The following UTY variants were observed in gnomAD, a reference collection of about 807,000 sequenced individuals.
UTY encodes the protein ubiquitously transcribed tetratricopeptide repeat containing, Y-linked, also known as histone demethylase UTY.
In UTY, 12 loss-of-function variants were observed where a neutral mutation model predicts 32.5. The observed-to-expected ratio is 0.37, with a 90% CI of 0.24 to 0.60. UTY has a LOEUF of 0.60. Among genes scored for constraint, UTY ranks in the 20% least tolerant of loss-of-function variants. The probability of loss-of-function intolerance (pLI) is 0.69; values close to 1 mark genes in which losing one functional copy is unlikely to be tolerated. For synonymous variants in UTY, 131 were observed against 103.4 expected, an observed-to-expected ratio of 1.27 and a Z score of -1.62; for missense variants, 303 against 299.2, an observed-to-expected ratio of 1.01 and a Z score of -0.09.
At chrY:13,331,819 T>C in intron 18 of UTY, among the ~76,000 whole-genome samples, 1 of 32,981 alleles carries the variant, frequency 3.0e-5, no homozygotes, top group African/African-American at 1.2e-4. Context: ...ATATCAGAGA[T>C]TGAAGATCAA....
chrY:13,242,598 CACAG>C (rs2053915374), intron 28 of UTY, among the ~76,000 whole-genome samples: 1 of 33,802 alleles, frequency 3.0e-5, no homozygotes, highest in South Asian at 6.5e-4. Flanking sequence ...TGTCATTTTT[CACAG>C]ACATAGATAA....
At chrY:13,406,536 A>G (rs2070041850) in intron 6 of UTY, among the ~76,000 whole-genome samples, 1 of 31,216 alleles carries the variant, frequency 3.2e-5, no homozygotes. Flanking sequence ...ATACCTCAGT[A>G]TGCTCACCAA....
intron 28 of UTY, among the ~76,000 whole-genome samples, chrY:13,251,750 C>CA (rs2054167376): frequency 3.0e-5 from 1 of 33,518 alleles, no homozygotes; most frequent in African/African-American, 1.2e-4. Context: ...AGGTGAATAA[C>CA]AAAAAGTGTT....
intron 17 of UTY, among the ~76,000 whole-genome samples, chrY:13,352,210 T>C: frequency 3.0e-5 from 1 of 33,709 alleles, no homozygotes; most frequent in Non-Finnish European, 7.3e-5. Context: ...TAATAAACCC[T>C]ACAATGGCCT....
intron 27 of UTY, among the ~76,000 whole-genome samples, chrY:13,276,602 G>C: frequency 3.2e-5 from 1 of 31,082 alleles, no homozygotes; most frequent in East Asian, 9.8e-4. Context: ...CTGTAGTCCC[G>C]GCTACTCTAC....
At chrY:13,303,565 T>C (rs2058501902) in intron 24 of UTY, among the ~76,000 whole-genome samples, 1 of 33,536 alleles carries the variant, frequency 3.0e-5, no homozygotes, top group Non-Finnish European at 7.4e-5. Context: ...AATCTACCTA[T>C]ACAGAAATTC....
chrY:13,428,869 T>C, intron 4 of UTY, among the ~76,000 whole-genome samples: 1 of 33,812 alleles, frequency 3.0e-5, no homozygotes, highest in South Asian at 6.4e-4. Context: ...CAGCATTTCA[T>C]AGTTCTCCTT....
At chrY:13,320,108 G>A (rs2059731006) in intron 21 of UTY, among the ~76,000 whole-genome samples, 4 of 32,980 alleles carry the variant, frequency 1.2e-4, no homozygotes, top group Non-Finnish European at 3.0e-4. Flanking sequence ...CTTATTTGGC[G>A]TAAGAATTCT....
chrY:13,264,435 G>A (rs2055571822), intron 27 of UTY, among the ~76,000 whole-genome samples: 1 of 32,918 alleles, frequency 3.0e-5, no homozygotes, highest in Non-Finnish European at 7.5e-5. Context: ...TGTGAGCATC[G>A]GTTGTTTCCT....
At chrY:13,478,371 A>G (rs2079289776) in intron 2 of UTY, among the ~76,000 whole-genome samples, 1 of 33,649 alleles carries the variant, frequency 3.0e-5, no homozygotes, top group Admixed American at 2.7e-4. Flanking sequence ...AAGCACATAT[A>G]GGTTTAAAAA....
intron 6 of UTY, among the ~76,000 whole-genome samples, chrY:13,409,680 A>T (rs2070617730): frequency 3.0e-5 from 1 of 33,543 alleles, no homozygotes; most frequent in Non-Finnish European, 7.4e-5. Flanking sequence ...CATCCCAGAT[A>T]GTTATGCTAA....
intron 27 of UTY, among the ~76,000 whole-genome samples, chrY:13,296,651 C>A: frequency 1.2e-4 from 4 of 32,840 alleles, no homozygotes; most frequent in Admixed American, 5.6e-4. Flanking sequence ...CTGCCCCCTA[C>A]CCTAGGTCAT....
intron 2 of UTY, among the ~76,000 whole-genome samples, chrY:13,477,184 A>G: frequency 3.0e-5 from 1 of 33,576 alleles, no homozygotes; most frequent in Admixed American, 2.7e-4. Context: ...AAGTTCATGC[A>G]TTGAAAACAT....
In UTY at chrY:13,369,339, T is replaced by C. The variant is rs1335862121; in HGVS notation, c.656A>G (p.His219Arg). Residue 219 changes from histidine (H) to arginine (R), a missense_variant, in exon 9 of 30, where the codon CAT (histidine) becomes CGT (arginine). Transcript: ENST00000545955. ...TTGTTCATATGCCTCCTTTGCAGAA[T>C]GATACTTCCTCTAAAGAGCAAAGGA... ...AHLYETQRKY[H>R]SAKEAYEQLL... is the part of the protein sequence containing the mutation. 3.0e-6 allele frequency: 1 copy of C among 338,537 alleles called. No individual in the cohort carries two copies. The allele number at this position is 338,537 out of a possible 400,897, so 84.4% of individuals were successfully genotyped here.
At chrY:13,333,820 G>T in intron 18 of UTY, among the ~76,000 whole-genome samples, 2 of 33,402 alleles carry the variant, frequency 6.0e-5, no homozygotes, top group African/African-American at 2.4e-4. Flanking sequence ...ACAATAAGTT[G>T]TGGAAAGCCA....
At chrY:13,276,435 C>T (rs2056679337) in intron 27 of UTY, among the ~76,000 whole-genome samples, 1 of 33,773 alleles carries the variant, frequency 3.0e-5, no homozygotes, top group Non-Finnish European at 7.4e-5. Flanking sequence ...AACGGCTGGG[C>T]GTGGTGGCTC....
At chrY:13,443,953 A>G (rs1167672004) in intron 4 of UTY, among the ~76,000 whole-genome samples, 1 of 33,819 alleles carries the variant, frequency 3.0e-5, no homozygotes, top group South Asian at 6.5e-4. Flanking sequence ...CTAAAATTGT[A>G]TATGTGGGTG....
chrY:13,306,535 T>C lies in UTY; in HGVS notation c.3277-285A>G, dbSNP rs773472327. The stretch of plus-strand genomic sequence containing the variant: ...GAAAAGCATGTATTCATTCATATTT[T>C]ACTTTGGACCAAGGAATTTTCTAAA... On this transcript the variant is annotated intron_variant, in intron 21 of 29. Coordinates refer to ENST00000545955, the MANE Select transcript of UTY (RefSeq NM_001258249.2). Among the ~76,000 whole-genome samples, 13 of 33,766 alleles carry C rather than the reference T, an allele frequency of 3.9e-4. No homozygotes were observed. In the South Asian group the frequency reaches 8.3e-3, roughly 22 times the overall value. 90.6% of individuals were successfully genotyped at this position (33,766 alleles called of 37,273 possible). A position where few individuals can be genotyped will look rare whatever the true frequency, so the allele number is the denominator to read the frequency against.
In UTY at chrY:13,306,060, T is replaced by C. The variant is rs1257732885; in HGVS notation, c.3394A>G (p.Ile1132Val). The change falls in exon 23 of 30, where the codon ATT becomes GTT. Residue 1132 changes from isoleucine to valine, a missense_variant. By Grantham distance (29) the Ile-to-Val change is conservative (BLOSUM62 3). Transcript: ENST00000545955. ...PFKTIKFGTN[I>V]DLSDNKKWKL... ...TACTTTTTGTTATCAGAGAGGTCAA[T>C]GTTGGTCCCAAATTTTATGGTTTTA... 3 of 396,078 alleles carry C rather than the reference T, an allele frequency of 7.6e-6. No individual in the cohort carries two copies. The highest frequency in any genetic ancestry group is 1.3e-4 in the African/African-American group (2 of 15,684).
Sources: allele counts gnomAD v4.1 joint callset (sites outside exome capture counted in the v4.1 genomes callset), GRCh38; gene constraint gnomAD v4.1.1; transcripts MANE v1.5; gene names NCBI Gene and HGNC (gene_info 2026-07-23, HGNC 2026-07-21).